NEXMIF: variants seen among roughly 807,000 people sequenced by gnomAD.
NEXMIF encodes the protein neurite extension and migration factor, also known as XLMR protein related to neurite extension.
Under a neutral mutation model 62.1 loss-of-function variants are expected in NEXMIF, and 8 were observed. The observed-to-expected ratio is 0.13, with a 90% confidence interval of 0.08 to 0.23. NEXMIF has a LOEUF of 0.23. NEXMIF is among the 10% of genes least tolerant of loss of function. NEXMIF has a pLI of 1.00. For missense variants in NEXMIF, 976 were observed against 1,113.3 expected, an observed-to-expected ratio of 0.88 and a Z score of 1.75; for synonymous variants, 404 against 416.6, an observed-to-expected ratio of 0.97 and a Z score of 0.37.
chrX:74,874,870 T>C (rs2080622870), intron 1 of NEXMIF, among the ~76,000 whole-genome samples: 1 of 107,254 alleles, frequency 9.3e-6, no homozygotes, highest in Non-Finnish European at 1.9e-5. Context: ...CTGAAGTTGC[T>C]TATCAGCTTA....
intron 2 of NEXMIF, among the ~76,000 whole-genome samples, chrX:74,744,964 TCTCTCTCC>T (rs1286706211): frequency 4.1e-5 from 4 of 96,592 alleles, no homozygotes; most frequent in African/African-American, 1.5e-4. Flanking sequence ...CTCTCCTCCC[TCTCTCTCC>T]CTCTCTCCCT....
At chrX:74,841,312 C>G (rs2080473110) in intron 1 of NEXMIF, among the ~76,000 whole-genome samples, 1 of 111,554 alleles carries the variant, frequency 9.0e-6, no homozygotes, top group Non-Finnish European at 1.9e-5. Flanking sequence ...GCTAGTGATT[C>G]TTGTACATTG....
chrX:74,751,847 C>T (rs1220396465), intron 1 of NEXMIF, among the ~76,000 whole-genome samples: 2 of 102,753 alleles, frequency 1.9e-5, no homozygotes, highest in Non-Finnish European at 4.0e-5. Flanking sequence ...TCCTTCCCTC[C>T]TTCCTTCCTT....
chrX:74,840,706 C>G (rs749929137), intron 1 of NEXMIF, among the ~76,000 whole-genome samples: 2 of 111,909 alleles, frequency 1.8e-5, no homozygotes, highest in South Asian at 7.4e-4. Flanking sequence ...ATATGGCTAG[C>G]CAGTTATCTC....
chrX:74,823,905 CAAAATTA>C (rs1297809386), intron 1 of NEXMIF, among the ~76,000 whole-genome samples: 1 of 111,350 alleles, frequency 9.0e-6, no homozygotes, highest in East Asian at 2.8e-4. Context: ...TAAATTATTT[CAAAATTA>C]AAAATTAAAG....
In NEXMIF at chrX:74,739,470, C is replaced by T; in HGVS notation, c.4486G>A (p.Glu1496Lys). 8.3e-7 allele frequency: 1 copy of T among 1,199,899 alleles called. No homozygotes were observed. The highest frequency in any genetic ancestry group is 1.1e-6 in the Non-Finnish European group (1 of 889,986). ...ACAGGTAAAACCCAAAAGGTTGTTT[C>T]TGCTTTTAGGAGATTGTAGTCGGAA... ...RDSDYNLLKA[E>K]TTFWVLPVFE... The change falls in exon 4 of 4, where the codon GAA (glutamate) becomes AAA (lysine). Residue 1496 changes from glutamate (E) to lysine (K), a missense_variant. By Grantham distance (56) the Glu-to-Lys change is moderately conservative. Coordinates refer to ENST00000055682, the MANE Select transcript of NEXMIF (RefSeq NM_001008537.3).
intron 1 of NEXMIF, among the ~76,000 whole-genome samples, chrX:74,801,143 G>A (rs2080328471): frequency 1.8e-5 from 2 of 111,800 alleles, no homozygotes. Context: ...TCTTTTTGTG[G>A]CTTGATAGCT....
At position 74,740,537 on chromosome X, in the gene NEXMIF, G is replaced by A; in HGVS notation, c.4020C>T (p.Pro1340=). 2 of 1,211,627 alleles carry A rather than the reference G, an allele frequency of 1.7e-6. No individual in the cohort carries two copies. Among genetic ancestry groups the A allele is most frequent in the Non-Finnish European group, 2.2e-6 (2 of 895,271 alleles). Residue 1340 remains proline, a synonymous_variant, in exon 3 of 4, where the codon CCC becomes CCT. Coordinates refer to ENST00000055682, the MANE Select transcript of NEXMIF (RefSeq NM_001008537.3). The part of the protein sequence containing the change: ...VQRFMMASIE[P]LWEPMEHHGD... ...CATGGTGCTCCATGGGTTCCCAAAG[G>A]GGCTCTATGGAGGCCATCATGAATC...
At chrX:74,785,275 T>C (rs1002048880) in intron 1 of NEXMIF, among the ~76,000 whole-genome samples, 23 of 111,155 alleles carry the variant, frequency 2.1e-4, no homozygotes, top group African/African-American at 6.9e-4. Context: ...ATTTTACATA[T>C]AAAGAAACTG....
At chrX:74,822,201 A>G (rs1413579967) in intron 1 of NEXMIF, among the ~76,000 whole-genome samples, 1 of 111,828 alleles carries the variant, frequency 8.9e-6, no homozygotes, top group African/African-American at 3.3e-5. Flanking sequence ...AAAGTGAATC[A>G]AAGACCCAAA....
intron 1 of NEXMIF, among the ~76,000 whole-genome samples, chrX:74,752,271 C>T (rs954510156): frequency 2.7e-5 from 3 of 111,505 alleles, no homozygotes; most frequent in African/African-American, 3.3e-5. Flanking sequence ...GATTTTTATA[C>T]ACACATACCC....
chrX:74,865,481 C>T (rs2080575348), intron 1 of NEXMIF, among the ~76,000 whole-genome samples: 1 of 111,990 alleles, frequency 8.9e-6, no homozygotes, highest in African/African-American at 3.2e-5. Context: ...AACTTGCAGC[C>T]TGCCAAGAAA....
intron 1 of NEXMIF, among the ~76,000 whole-genome samples, chrX:74,799,998 T>C (rs2080324560): frequency 9.0e-6 from 1 of 111,019 alleles, no homozygotes; most frequent in Admixed American, 9.6e-5. Context: ...AACAACTAAA[T>C]ACAAGATCAA....
At position 74,739,256 on chromosome X, in the gene NEXMIF, T is replaced by A; in HGVS notation, c.*149A>T. Reference sequence around the variant, plus strand: ...ATAGTGCATAAACTACTTGTGCAACTGTATGACTTTTTAAGTCTTTTACAT... The same window carrying A: ...ATAGTGCATAAACTACTTGTGCAACAGTATGACTTTTTAAGTCTTTTACAT... On this transcript the variant is annotated 3_prime_UTR_variant, in exon 4 of 4. Transcript: ENST00000055682. 2.4e-6 allele frequency: 1 copy of A among 411,551 alleles called. No homozygotes were observed. The highest frequency in any genetic ancestry group is 4.1e-6 in the Non-Finnish European group (1 of 241,807). The allele number at this position is 411,551 out of a possible 1,213,427, so 33.9% of individuals were successfully genotyped here.
chrX:74,892,315 G>A (rs1271597859), intron 1 of NEXMIF, among the ~76,000 whole-genome samples: 8 of 112,030 alleles, frequency 7.1e-5, no homozygotes, highest in Non-Finnish European at 1.5e-4. Context: ...TTTGTTACAG[G>A]GCTTCCAAGA....
intron 1 of NEXMIF, among the ~76,000 whole-genome samples, chrX:74,767,822 G>A (rs1366621835): frequency 8.9e-6 from 1 of 112,509 alleles, no homozygotes; most frequent in Non-Finnish European, 1.9e-5. Context: ...TGGGAGCTCC[G>A]TCTTAGGGAG....
intron 1 of NEXMIF, among the ~76,000 whole-genome samples, chrX:74,878,648 G>T (rs2080649261): frequency 8.9e-6 from 1 of 112,823 alleles, no homozygotes; most frequent in South Asian, 3.6e-4. Flanking sequence ...GGGACTCCGT[G>T]GGCGTAGGAT....
chrX:74,920,147 G>C (rs2080821591), intron 1 of NEXMIF, among the ~76,000 whole-genome samples: 1 of 111,258 alleles, frequency 9.0e-6, no homozygotes. Flanking sequence ...ACCCAGTAAT[G>C]GGATGGCTGG....
chrX:74,922,725 T>C (rs190794762), intron 1 of NEXMIF, among the ~76,000 whole-genome samples: 1 of 111,688 alleles, frequency 9.0e-6, no homozygotes, highest in East Asian at 2.8e-4. Flanking sequence ...TTTAAATATA[T>C]GTACAATGTA....
Sources: allele counts gnomAD v4.1 joint callset (sites outside exome capture counted in the v4.1 genomes callset), GRCh38; gene constraint gnomAD v4.1.1; transcripts MANE v1.5; gene names NCBI Gene and HGNC (gene_info 2026-07-23, HGNC 2026-07-21).